The following OTOGL variants were observed in gnomAD, a reference collection of about 807,000 sequenced individuals.
OTOGL encodes otogelin-like protein.
OTOGL carries 285 observed loss-of-function variants against 318.5 expected under a neutral mutation model. The observed-to-expected ratio is 0.89, with a 90% CI of 0.81 to 0.99. The LOEUF is 0.99. Among genes scored for constraint, OTOGL ranks in the 50% least tolerant of loss-of-function variants. The pLI is 0.00. For synonymous variants in OTOGL, 987 were observed against 936.5 expected (o/e 1.05, Z -0.99); for missense variants, 2,899 against 2,845.6 (o/e 1.02, Z -0.43).
intron 1 of OTOGL, among the ~76,000 whole-genome samples, chr12:80,152,699 AT>A (rs1033377628): frequency 6.6e-6 from 1 of 151,962 alleles, no homozygotes; most frequent in Admixed American, 6.6e-5. Flanking sequence ...TTATTTATTT[AT>A]TTTTTTGAGA....
chr12:80,192,074 T>C (rs933578933), intron 1 of OTOGL, among the ~76,000 whole-genome samples: 1 of 152,188 alleles, frequency 6.6e-6, no homozygotes, highest in African/African-American at 2.4e-5. Context: ...CTAACCACTG[T>C]TGTTGTTTTC....
At chr12:80,204,172 A>G (rs1048657021) in intron 1 of OTOGL, among the ~76,000 whole-genome samples, 2 of 152,184 alleles carry the variant, frequency 1.3e-5, no homozygotes, top group Non-Finnish European at 2.9e-5. Context: ...TTGACTCTCA[A>G]TTCAAACGAA....
At chr12:80,147,233 C>G (rs1441364155) in intron 1 of OTOGL, among the ~76,000 whole-genome samples, 1 of 149,616 alleles carries the variant, frequency 6.7e-6, no homozygotes, top group Non-Finnish European at 1.5e-5. Context: ...TGAATGCGTC[C>G]CAGAGATTCT....
chr12:80,188,822 G>C (rs935403726), intron 1 of OTOGL, among the ~76,000 whole-genome samples: 57 of 152,240 alleles, frequency 3.7e-4, no homozygotes, highest in Middle Eastern at 3.4e-3. Flanking sequence ...ATCCTCCACA[G>C]ACCTTTCAGT....
At chr12:80,213,041 A>G (rs996308450) in intron 4 of OTOGL, among the ~76,000 whole-genome samples, 2 of 152,228 alleles carry the variant, frequency 1.3e-5, no homozygotes, top group African/African-American at 4.8e-5. Context: ...AAGAAGGTAA[A>G]GGAATGAAAG....
chr12:80,279,102 A>G lies in OTOGL; in HGVS notation c.2864A>G (p.His955Arg). 6.3e-7 allele frequency: 1 copy of G among 1,594,542 alleles called. No individual in the cohort carries two copies. The highest frequency in any genetic ancestry group is 8.5e-7 in the Non-Finnish European group (1 of 1,176,108). Residue 955 changes from histidine (H) to arginine (R), a missense_variant, in exon 26 of 59, where the codon CAT becomes CGT. His to Arg is a conservative substitution (Grantham distance 29). Transcript: ENST00000547103. The stretch of plus-strand genomic sequence containing the variant: ...GTGTGCACAATATACGGGGACCGAC[A>G]TTATTATTCTTTTGATGGACTAGAA... ...PAVCTIYGDR[H>R]YYSFDGLEYD...
At chr12:80,329,650 C>A (rs1226165475) in intron 37 of OTOGL, among the ~76,000 whole-genome samples, 1 of 152,178 alleles carries the variant, frequency 6.6e-6, no homozygotes, top group Non-Finnish European at 1.5e-5. Flanking sequence ...TTTCCTCCCG[C>A]CCTGTGAAGC....
chr12:80,112,607 G>A (rs1376972311), intron 1 of OTOGL, among the ~76,000 whole-genome samples: 1 of 152,044 alleles, frequency 6.6e-6, no homozygotes, highest in Non-Finnish European at 1.5e-5. Context: ...CTTTATTGTG[G>A]TGGATAAGCT....
chr12:80,117,717 C>T (rs1870251425), intron 1 of OTOGL, among the ~76,000 whole-genome samples: 1 of 152,136 alleles, frequency 6.6e-6, no homozygotes, highest in Non-Finnish European at 1.5e-5. Context: ...TCAATTAAAC[C>T]TGCCTTTTCT....
intron 1 of OTOGL, among the ~76,000 whole-genome samples, chr12:80,198,455 G>T (rs1197375312): frequency 1.3e-5 from 2 of 151,998 alleles, no homozygotes; most frequent in Non-Finnish European, 2.9e-5. Context: ...ATGGTGGCAC[G>T]TGCCTGTAAT....
At chr12:80,164,824 T>C (rs11114338) in intron 1 of OTOGL, among the ~76,000 whole-genome samples, 35,338 of 151,780 alleles carry the variant, frequency 0.23, 5,698 homozygotes, top group African/African-American at 0.47. Flanking sequence ...ACATACCTGA[T>C]GCTTGGTAAT....
At chr12:80,341,313 T>C (rs1272109380) in intron 43 of OTOGL, among the ~76,000 whole-genome samples, 3 of 152,252 alleles carry the variant, frequency 2.0e-5, no homozygotes, top group South Asian at 2.1e-4. Context: ...GTTCAAGTCT[T>C]GAGCTTGACA....
intron 1 of OTOGL, among the ~76,000 whole-genome samples, chr12:80,175,827 C>T (rs1565888613): frequency 6.6e-6 from 1 of 152,118 alleles, no homozygotes; most frequent in African/African-American, 2.4e-5. Context: ...AATGTGACTG[C>T]TTAGATTTAG....
In OTOGL at chr12:80,377,215, A is replaced by C. The variant is rs1458613113; in HGVS notation, c.6861+13A>C. The C allele has an allele frequency of 1.3e-5, 20 of 1,575,450 alleles. No homozygotes were observed. Among genetic ancestry groups the C allele is most frequent in the Non-Finnish European group, 1.7e-5 (20 of 1,153,244 alleles). The stretch of plus-strand genomic sequence containing the variant: ...GAGCCAAAGCCCTGTAAGTGGAAAA[A>C]TGTCATTTGCTACATAAATGCACAC... On this transcript the variant is annotated intron_variant, in intron 58 of 58. Transcript: ENST00000547103.
At chr12:80,259,550 A>C (rs1436957307) in intron 18 of OTOGL, among the ~76,000 whole-genome samples, 1 of 151,608 alleles carries the variant, frequency 6.6e-6, no homozygotes, top group Non-Finnish European at 1.5e-5. Context: ...ACCCCCAGAC[A>C]GGCCCCAGTG....
intron 1 of OTOGL, among the ~76,000 whole-genome samples, chr12:80,101,210 G>A (rs1869115895): frequency 1.3e-5 from 2 of 152,122 alleles, no homozygotes; most frequent in South Asian, 2.1e-4. Flanking sequence ...CTCCTCCTAC[G>A]TGAAAGGTTG....
intron 1 of OTOGL, among the ~76,000 whole-genome samples, chr12:80,124,854 T>C (rs1373147776): frequency 1.3e-5 from 2 of 152,224 alleles, no homozygotes; most frequent in African/African-American, 4.8e-5. Flanking sequence ...GTTATTGGTG[T>C]ATAAGAATGC....
Position 80,301,058 on chromosome 12 carries a change from C to A in OTOGL, c.3064-1576C>A, listed in dbSNP as rs187066679. 3.5e-3 allele frequency among the ~76,000 whole-genome samples: 529 copies of A among 152,172 alleles called. 2 individuals carry two copies. The highest frequency in any genetic ancestry group is 0.012 in the African/African-American group (506 of 41,524). Reference sequence around the variant, plus strand: ...ATATGACTAAATTTATTTCATTTCCCCTTTGAAATATTGATTAAAAAGTCT... The same window carrying A: ...ATATGACTAAATTTATTTCATTTCCACTTTGAAATATTGATTAAAAAGTCT... On this transcript the variant is annotated intron_variant, in intron 27 of 58. Transcript: ENST00000547103.
chr12:80,257,015 G>A (rs1406556821), intron 17 of OTOGL, among the ~76,000 whole-genome samples: 3 of 152,192 alleles, frequency 2.0e-5, no homozygotes, highest in South Asian at 4.1e-4. Context: ...CTGGATGTAG[G>A]TAAGGATGAG....
Sources: gnomAD v4.1 joint callset for allele counts (sites outside exome capture counted in the v4.1 genomes callset) on GRCh38, gnomAD v4.1.1 for gene constraint, MANE v1.5 for transcripts, NCBI Gene and HGNC (gene_info 2026-07-23, HGNC 2026-07-21) for gene names.